COL4A5: variants seen among roughly 807,000 people sequenced by gnomAD.
COL4A5 encodes collagen type IV alpha 5 chain, also known as collagen alpha-5(IV) chain.
Under a neutral mutation model 130.2 loss-of-function variants are expected in COL4A5, and 26 were observed. The ratio of observed to expected loss-of-function variants is 0.20; its 90% CI spans 0.15 to 0.28. COL4A5 has a LOEUF of 0.28. COL4A5 is among the 10% of genes least tolerant of loss of function. The pLI is 1.00. For synonymous variants in COL4A5, 496 were observed against 439.6 expected (o/e 1.13, Z -1.60); for missense variants, 1,131 against 1,344.3 (o/e 0.84, Z 2.48).
At chrX:108,450,484 A>G (rs933661643) in intron 1 of COL4A5, among the ~76,000 whole-genome samples, 5 of 112,118 alleles carry the variant, frequency 4.5e-5, no homozygotes, top group Non-Finnish European at 7.5e-5. Context: ...AATGAGTAGA[A>G]TTAGCCTACC....
chrX:108,590,946 C>T, intron 19 of COL4A5, 112 bp from the exon 20 acceptor site: 1 of 721,032 alleles, frequency 1.4e-6, no homozygotes, highest in East Asian at 3.6e-5. Flanking sequence ...AAAAAAATAA[C>T]ATAACCAGAA....
intron 2 of COL4A5, among the ~76,000 whole-genome samples, chrX:108,557,338 A>T (rs989155720): frequency 8.9e-6 from 1 of 111,830 alleles, no homozygotes; most frequent in Admixed American, 9.5e-5. Flanking sequence ...TTTCCTCAAA[A>T]ACAATTGTGT....
Position 108,633,190 on chromosome X carries a change from A to C in COL4A5, c.3246+6841A>C, listed in dbSNP as rs189070046. Among the ~76,000 whole-genome samples, 3 of 111,031 alleles carry C rather than the reference A, an allele frequency of 2.7e-5. No individual in the cohort carries two copies. In the Admixed American group the frequency reaches 2.9e-4, roughly 11 times the overall value. ...TTGTTGCTGAAATAGGAAATTCATCAATTGAGGGGGAGAGAGAGGAAGAGG... is the reference window on the plus strand; with the variant it reads ...TTGTTGCTGAAATAGGAAATTCATCCATTGAGGGGGAGAGAGAGGAAGAGG... On this transcript the variant is annotated intron_variant, in intron 36 of 52. Transcript: ENST00000328300.
At chrX:108,516,791 C>A (rs2065225075) in intron 1 of COL4A5, among the ~76,000 whole-genome samples, 1 of 111,487 alleles carries the variant, frequency 9.0e-6, no homozygotes, top group African/African-American at 3.3e-5. Flanking sequence ...CCATTCTCGA[C>A]CACTAATTTT....
chrX:108,558,891 G>A (rs766429131), intron 2 of COL4A5, among the ~76,000 whole-genome samples, 173 bp from the exon 3 acceptor site: 1 of 112,392 alleles, frequency 8.9e-6, no homozygotes, highest in East Asian at 2.8e-4. Context: ...GACGGTTTGT[G>A]TTTTCTCCCC....
intron 1 of COL4A5, among the ~76,000 whole-genome samples, chrX:108,500,362 T>C (rs751115174): frequency 1.9e-4 from 21 of 112,114 alleles, no homozygotes; most frequent in African/African-American, 6.5e-4. Context: ...GTTTTATTTT[T>C]TTCTTCTTCA....
intron 1 of COL4A5, among the ~76,000 whole-genome samples, chrX:108,527,950 A>C (rs1468723325): frequency 2.7e-5 from 3 of 111,880 alleles, no homozygotes; most frequent in African/African-American, 9.8e-5. Flanking sequence ...TTGTCCGTCC[A>C]CTGCTACTGC....
At chrX:108,590,016 CA>C (rs1266046907) in intron 19 of COL4A5, among the ~76,000 whole-genome samples, 1 of 111,329 alleles carries the variant, frequency 9.0e-6, no homozygotes, top group East Asian at 2.8e-4. Context: ...TATATGTGGC[CA>C]ACAAACATGA....
rs1462318595 is a variant in COL4A5, at chrX:108,571,761, G to A, written c.439-50G>A. The A allele has an allele frequency of 1.5e-5, 14 of 929,652 alleles. No homozygotes were observed. In the Middle Eastern group the frequency reaches 1.3e-3, roughly 88 times the overall value. 76.6% of individuals were successfully genotyped at this position (929,652 alleles called of 1,213,427 possible). On this transcript the variant is annotated intron_variant, in intron 7 of 52. Coordinates refer to ENST00000328300, the MANE Select transcript of COL4A5 (RefSeq NM_033380.3). ...ATTTAGAAAGCATTCTGTAATTGGC[G>A]TGTTTCTCTCTCATACATATAAAAT... is the stretch of plus-strand genomic sequence containing the variant.
At chrX:108,613,477 A>C (rs2066872497) in intron 29 of COL4A5, among the ~76,000 whole-genome samples, 1 of 112,197 alleles carries the variant, frequency 8.9e-6, no homozygotes, top group African/African-American at 3.2e-5. Flanking sequence ...GAAAAATTGG[A>C]TATATTGGAC....
intron 1 of COL4A5, among the ~76,000 whole-genome samples, chrX:108,498,282 A>G (rs960458615): frequency 2.7e-5 from 3 of 111,179 alleles, no homozygotes; most frequent in African/African-American, 6.5e-5. Flanking sequence ...TTATGTTACC[A>G]TTTTCAAAGA....
intron 1 of COL4A5, among the ~76,000 whole-genome samples, chrX:108,485,011 T>C: frequency 8.9e-6 from 1 of 112,342 alleles, no homozygotes. Context: ...CCTCAATCCA[T>C]GAGGCATAGT....
intron 1 of COL4A5, among the ~76,000 whole-genome samples, chrX:108,458,534 A>G (rs2064606943): frequency 9.0e-6 from 1 of 111,559 alleles, no homozygotes; most frequent in Non-Finnish European, 1.9e-5. Flanking sequence ...ATTTCTATAT[A>G]AATTTTACAG....
In COL4A5 at chrX:108,670,024, G is replaced by A. The variant is rs139199691; in HGVS notation, c.3791-204G>A. The A allele has an allele frequency of 1.7e-3, 709 of 414,162 alleles. 6 individuals are homozygous for A. Among genetic ancestry groups the A allele is most frequent in the African/African-American group, 0.016 (622 of 39,276 alleles). 34.1% of individuals were successfully genotyped at this position (414,162 alleles called of 1,213,427 possible). A position where few individuals can be genotyped will look rare whatever the true frequency, so the allele number is the denominator to read the frequency against. ...GCCACAGTGTGCTGTTTTCATTTTA[G>A]TTTTGTCACTAAGTGGTGATAATTT... On this transcript the variant is annotated intron_variant, in intron 41 of 52. Transcript: ENST00000328300.
At chrX:108,459,183 G>A (rs777630678) in intron 1 of COL4A5, among the ~76,000 whole-genome samples, 14 of 110,931 alleles carry the variant, frequency 1.3e-4, no homozygotes, top group Non-Finnish European at 2.6e-4. Flanking sequence ...GTACACTGTG[G>A]TCTTGCTAAA....
At chrX:108,585,188 A>G (rs1477149506) in intron 18 of COL4A5, among the ~76,000 whole-genome samples, 1 of 111,937 alleles carries the variant, frequency 8.9e-6, no homozygotes. Context: ...TCTTTGGTTG[A>G]AATTTAGTAA....
intron 1 of COL4A5, among the ~76,000 whole-genome samples, chrX:108,534,595 C>T (rs1343922098): frequency 9.0e-6 from 1 of 110,720 alleles, no homozygotes; most frequent in Non-Finnish European, 1.9e-5. Context: ...GGGTAAGTGT[C>T]AAGGAGGGGG....
chrX:108,458,872 G>C (rs868785823), intron 1 of COL4A5, among the ~76,000 whole-genome samples: 40 of 110,790 alleles, frequency 3.6e-4, no homozygotes, highest in African/African-American at 1.2e-3. Flanking sequence ...CCCAGCTACT[G>C]GGGAGGCTGA....
At chrX:108,488,057 A>C (rs2064963784) in intron 1 of COL4A5, among the ~76,000 whole-genome samples, 1 of 112,043 alleles carries the variant, frequency 8.9e-6, no homozygotes, top group Non-Finnish European at 1.9e-5. Flanking sequence ...TGTGGTTCAG[A>C]ATTTGAAATT....
Sources: allele counts gnomAD v4.1 joint callset (sites outside exome capture counted in the v4.1 genomes callset), GRCh38; gene constraint gnomAD v4.1.1; transcripts MANE v1.5; gene names NCBI Gene and HGNC (gene_info 2026-07-23, HGNC 2026-07-21).